The following ELMO1 variants were observed in gnomAD, a reference collection of about 807,000 sequenced individuals.
ELMO1 encodes the protein engulfment and cell motility protein 1.
In ELMO1, 26 loss-of-function variants were observed where a neutral mutation model predicts 98.9. That is an observed-to-expected ratio of 0.26 (90% CI 0.19 to 0.36). The LOEUF is 0.36. Ranked by LOEUF, ELMO1 falls within the 10% of genes least tolerant of loss-of-function variation. The pLI is 1.00. For missense variants in ELMO1, 627 were observed against 935.2 expected, an observed-to-expected ratio of 0.67 and a Z score of 4.30; for synonymous variants, 346 against 346.0, an observed-to-expected ratio of 1.00 and a Z score of 0.00.
chr7:37,307,882 C>T (rs1018879409), intron 4 of ELMO1, among the ~76,000 whole-genome samples: 4 of 152,118 alleles, frequency 2.6e-5, no homozygotes, highest in Non-Finnish European at 5.9e-5. Flanking sequence ...GAGGCCGAGG[C>T]GGGCAGATTA....
chr7:37,098,949 C>T (rs1034059301), intron 14 of ELMO1, among the ~76,000 whole-genome samples: 2 of 152,230 alleles, frequency 1.3e-5, no homozygotes, highest in African/African-American at 4.8e-5. Context: ...TTCACATTAA[C>T]ATTCTATTAA....
Position 36,881,439 on chromosome 7 carries a change from T to A in ELMO1, c.1715-3322A>T, listed in dbSNP as rs560100439. ...CAGCATGATGTTACTTGTTCCTTTA[T>A]CCCTCTGGGCGATGAAAGAGTGAAT... On this transcript the variant is annotated intron_variant, in intron 18 of 21. Transcript: ENST00000310758. Among the ~76,000 whole-genome samples, 4 of 152,328 alleles carry A rather than the reference T, an allele frequency of 2.6e-5. No individual in the cohort carries two copies. In the South Asian group the frequency reaches 8.3e-4, roughly 32 times the overall value.
intron 17 of ELMO1, 52 bp downstream of exon 17, chr7:36,894,802 A>C (rs1805858432): frequency 6.2e-7 from 1 of 1,610,270 alleles, no homozygotes; most frequent in Admixed American, 1.7e-5. Flanking sequence ...TCATTCTAGA[A>C]ATAGTGGGTT....
At chr7:36,881,768 A>C (rs73116217) in intron 18 of ELMO1, among the ~76,000 whole-genome samples, 1 of 152,324 alleles carries the variant, frequency 6.6e-6, no homozygotes, top group Non-Finnish European at 1.5e-5. Context: ...ATTGTTATGG[A>C]GCTAATAACC....
At chr7:36,986,746 C>T (rs1791539507) in intron 16 of ELMO1, among the ~76,000 whole-genome samples, 1 of 152,110 alleles carries the variant, frequency 6.6e-6, no homozygotes, top group African/African-American at 2.4e-5. Context: ...ATAGAACCAC[C>T]TCGCGATACC....
At chr7:37,363,327 C>T (rs1245992065) in intron 1 of ELMO1, among the ~76,000 whole-genome samples, 1 of 152,150 alleles carries the variant, frequency 6.6e-6, no homozygotes, top group Non-Finnish European at 1.5e-5. Context: ...TACATAGCCA[C>T]CAAAGTCGAA....
chr7:37,290,895 G>C lies in ELMO1; in HGVS notation c.193-19013C>G, dbSNP rs74834626. On this transcript the variant is annotated intron_variant, in intron 4 of 21. Coordinates refer to ENST00000310758, the MANE Select transcript of ELMO1 (RefSeq NM_014800.11). ...GACAGAGAAGAAGAGGAAGAACAGA[G>C]GAAGAGAAAAAGAAGAACAAGAAGA... Among the ~76,000 whole-genome samples, 612 of 152,032 alleles carry C rather than the reference G, an allele frequency of 4.0e-3. 7 individuals are homozygous for C. The highest frequency in any genetic ancestry group is 0.014 in the African/African-American group (587 of 41,450).
intron 15 of ELMO1, among the ~76,000 whole-genome samples, chr7:37,034,765 C>G (rs780425903): frequency 2.0e-5 from 3 of 152,064 alleles, no homozygotes; most frequent in Non-Finnish European, 4.4e-5. Context: ...TTCTGGGTGG[C>G]AGGGGCATTG....
chr7:37,422,273 T>C (rs893364147), intron 1 of ELMO1, among the ~76,000 whole-genome samples: 1 of 152,218 alleles, frequency 6.6e-6, no homozygotes, highest in Non-Finnish European at 1.5e-5. Flanking sequence ...AATGGGGAAA[T>C]GAGCCTGCGT....
chr7:37,380,974 G>A (rs533378777), intron 1 of ELMO1, among the ~76,000 whole-genome samples: 1 of 152,208 alleles, frequency 6.6e-6, no homozygotes, highest in Non-Finnish European at 1.5e-5. Flanking sequence ...GCACAAAAAT[G>A]TGAAAAACGT....
At chr7:37,079,130 C>T (rs906097992) in intron 15 of ELMO1, among the ~76,000 whole-genome samples, 3 of 152,002 alleles carry the variant, frequency 2.0e-5, no homozygotes, top group South Asian at 2.1e-4. Flanking sequence ...TATAGGTCTC[C>T]GTCTTCATCA....
chr7:36,918,204 CA>C (rs1784859308), intron 16 of ELMO1, among the ~76,000 whole-genome samples: 1 of 152,034 alleles, frequency 6.6e-6, no homozygotes, highest in Non-Finnish European at 1.5e-5. Context: ...GAGCAGTATG[CA>C]TAACTCAACT....
At chr7:36,923,124 T>C (rs910038355) in intron 16 of ELMO1, among the ~76,000 whole-genome samples, 23 of 152,374 alleles carry the variant, frequency 1.5e-4, no homozygotes, top group African/African-American at 5.0e-4. Context: ...AACTATTAGA[T>C]GGGTTAGCTA....
rs750724101 is a variant in ELMO1, at chr7:36,887,661, T to C, written c.1613A>G (p.Glu538Gly). 1 of 1,614,050 alleles carries C rather than the reference T, an allele frequency of 6.2e-7. No homozygotes were observed. The highest frequency in any genetic ancestry group is 8.5e-7 in the Non-Finnish European group (1 of 1,179,930). ...CTCTAAGATTTCTGGCTGAATCTTCTCCTTTAGTTCCCTGTTAGAGGAAAA... is the reference window on the plus strand; with the variant it reads ...CTCTAAGATTTCTGGCTGAATCTTCCCCTTTAGTTCCCTGTTAGAGGAAAA... ...FQSRPILELK[E>G]KIQPEILELI... Residue 538 changes from glutamate to glycine, a missense_variant, in exon 18 of 22, where the codon GAG becomes GGG. This residue lies in a region of ELMO1 where 492 missense variants were observed against 715.6 expected (regional missense o/e 0.69). Coordinates refer to ENST00000310758, the MANE Select transcript of ELMO1 (RefSeq NM_014800.11).
At chr7:37,444,246 A>C (rs1358275395) in intron 1 of ELMO1, among the ~76,000 whole-genome samples, 2 of 152,246 alleles carry the variant, frequency 1.3e-5, no homozygotes, top group African/African-American at 4.8e-5. Flanking sequence ...CTTTGTAATT[A>C]GAATCATTCA....
chr7:37,032,288 G>C (rs1001548449), intron 15 of ELMO1, among the ~76,000 whole-genome samples: 2 of 152,160 alleles, frequency 1.3e-5, no homozygotes, highest in Non-Finnish European at 2.9e-5. Flanking sequence ...GGAAAACACA[G>C]GGGGCAGCCT....
chr7:37,438,431 C>CAAAA (rs543852959), intron 1 of ELMO1, among the ~76,000 whole-genome samples: 2 of 122,552 alleles, frequency 1.6e-5, no homozygotes, highest in Middle Eastern at 8.8e-3. Flanking sequence ...ACTAAAAATA[C>CAAAA]AAAAAAAAAA....
At chr7:37,043,605 A>G (rs1209455656) in intron 15 of ELMO1, among the ~76,000 whole-genome samples, 2 of 152,242 alleles carry the variant, frequency 1.3e-5, no homozygotes, top group African/African-American at 4.8e-5. Context: ...TTATATCTCA[A>G]TAAACTTCAT....
At chr7:37,237,223 A>G (rs1488891224) in intron 7 of ELMO1, among the ~76,000 whole-genome samples, 1 of 152,230 alleles carries the variant, frequency 6.6e-6, no homozygotes, top group Non-Finnish European at 1.5e-5. Flanking sequence ...TATGCTACTA[A>G]TTTTATAAAA....
Sources: gnomAD v4.1 joint callset for allele counts (sites outside exome capture counted in the v4.1 genomes callset) on GRCh38, gnomAD v4.1.1 for gene constraint, gnomAD v4.1.1 regional missense constraint, MANE v1.5 for transcripts, NCBI Gene and HGNC (gene_info 2026-07-23, HGNC 2026-07-21) for gene names.